The following TFEC variants were observed in gnomAD, a reference collection of about 807,000 sequenced individuals.
TFEC encodes the protein class E basic helix-loop-helix protein 34.
TFEC carries 31 observed loss-of-function variants against 41.6 expected under a neutral mutation model. The ratio of observed to expected loss-of-function variants is 0.74; its 90% CI spans 0.56 to 1.01. TFEC has a LOEUF of 1.01. Among genes scored for constraint, TFEC ranks in the 50% least tolerant of loss-of-function variants. TFEC has a pLI of 0.00. For missense variants in TFEC, 402 were observed against 404.1 expected, an observed-to-expected ratio of 0.99 and a Z score of 0.04; for synonymous variants, 143 against 140.6, an observed-to-expected ratio of 1.02 and a Z score of -0.12.
Position 115,960,558 on chromosome 7 carries a change from T to G in TFEC, c.268-3765A>C, listed in dbSNP as rs1792487490. On this transcript the variant is annotated intron_variant, in intron 3 of 7. Coordinates refer to ENST00000265440, the MANE Select transcript of TFEC (RefSeq NM_012252.4). ...ACCATGTAACTCGATCCAGATAATA[T>G]CAGCACAATTGGGTTGCTGTCGCAG... Among the ~76,000 whole-genome samples the G allele has an allele frequency of 2.0e-5, 3 of 151,552 alleles. No homozygotes were observed. In the South Asian group the frequency reaches 6.2e-4, roughly 31 times the overall value.
At chr7:115,947,545 A>C (rs1306109677) in intron 6 of TFEC, among the ~76,000 whole-genome samples, 1 of 151,592 alleles carries the variant, frequency 6.6e-6, no homozygotes, top group African/African-American at 2.4e-5. Flanking sequence ...AACAGGGTAA[A>C]AGTGTTCCTA....
At chr7:116,056,047 C>T (rs1796422295) in intron 3 of TFEC, among the ~76,000 whole-genome samples, 1 of 151,858 alleles carries the variant, frequency 6.6e-6, no homozygotes, top group Non-Finnish European at 1.5e-5. Flanking sequence ...TTACTGTATC[C>T]AACCAAGATA....
intron 3 of TFEC, 124 bp from the exon 4 acceptor site, chr7:115,956,917 G>T: frequency 1.8e-6 from 1 of 548,552 alleles, no homozygotes; most frequent in South Asian, 6.4e-5. Flanking sequence ...TCTAATTTGG[G>T]GCATTTTGCT....
intron 1 of TFEC, among the ~76,000 whole-genome samples, chr7:116,021,500 G>A (rs1012684666): frequency 6.6e-6 from 1 of 152,182 alleles, no homozygotes; most frequent in Admixed American, 6.5e-5. Flanking sequence ...GCTCTAGCAA[G>A]CAATGAGACA....
In TFEC at chr7:116,099,506, A is replaced by G. The variant is rs549181640; in HGVS notation, c.198+11202T>C. On this transcript the variant is annotated intron_variant, in intron 3 of 8. Coordinates refer to the TFEC transcript ENST00000484212. ...GGACAACATACAAGTAGAAGTTTAA[A>G]ATAACTTCCACATTACGACCAGTCC... Among the ~76,000 whole-genome samples, 3 of 152,310 alleles carry G rather than the reference A, an allele frequency of 2.0e-5. No individual in the cohort carries two copies. In the East Asian group the frequency reaches 5.8e-4, roughly 29 times the overall value.
chr7:115,956,222 T>C (rs1401296339), intron 4 of TFEC, among the ~76,000 whole-genome samples: 1 of 151,982 alleles, frequency 6.6e-6, no homozygotes, highest in Non-Finnish European at 1.5e-5. Context: ...GAGTCTATCA[T>C]GAAATCCATA....
rs1793504192 is a variant in TFEC at position 115,978,940 on chromosome 7, A to C, written c.181-4684T>G. ...TGTATTCAGGTTCTCAAGGGGATTT[A>C]TTTCTCATTCAAGATTTCAAAGACC... On this transcript the variant is annotated intron_variant, in intron 2 of 7. Coordinates refer to ENST00000265440, the MANE Select transcript of TFEC (RefSeq NM_012252.4). 2.0e-5 allele frequency among the ~76,000 whole-genome samples: 3 copies of C among 152,090 alleles called. No homozygotes were observed. In the South Asian group the frequency reaches 6.2e-4, roughly 32 times the overall value.
chr7:116,089,775 G>A (rs963439473), intron 3 of TFEC, among the ~76,000 whole-genome samples: 13 of 152,120 alleles, frequency 8.5e-5, no homozygotes, highest in East Asian at 3.9e-4. Flanking sequence ...TTGAGGACAG[G>A]TAAATGTTAA....
intron 1 of TFEC, among the ~76,000 whole-genome samples, chr7:116,158,156 A>G (rs7777437): frequency 0.5 from 75,352 of 151,920 alleles, 19,367 homozygotes; most frequent in East Asian, 0.7. Context: ...GTTTTTGAAA[A>G]CTTAACACAT....
chr7:116,105,053 C>T (rs569928130), intron 3 of TFEC, among the ~76,000 whole-genome samples: 5 of 152,138 alleles, frequency 3.3e-5, no homozygotes, highest in South Asian at 2.1e-4. Flanking sequence ...ATTTTGAATC[C>T]GACCTCCATT....
At chr7:116,059,542 A>C (rs1357907683) in intron 3 of TFEC, among the ~76,000 whole-genome samples, 1 of 151,954 alleles carries the variant, frequency 6.6e-6, no homozygotes, top group Non-Finnish European at 1.5e-5. Flanking sequence ...AAAACAAGAA[A>C]ACTACAAATC....
At chr7:115,976,069 G>A (rs13236901) in intron 2 of TFEC, among the ~76,000 whole-genome samples, 21,521 of 152,048 alleles carry the variant, frequency 0.14, 2,041 homozygotes, top group Non-Finnish European at 0.21. Context: ...TACTAAATAC[G>A]TGAAATGTGG....
intron 6 of TFEC, among the ~76,000 whole-genome samples, chr7:115,948,817 C>T (rs1405656544): frequency 1.3e-5 from 2 of 148,310 alleles, no homozygotes; most frequent in East Asian, 2.0e-4. Context: ...CTCACCACTC[C>T]TATTCAACAT....
At chr7:116,036,187 CTT>C (rs1293768257) in intron 3 of TFEC, among the ~76,000 whole-genome samples, 2 of 151,928 alleles carry the variant, frequency 1.3e-5, no homozygotes, top group Non-Finnish European at 2.9e-5. Flanking sequence ...ACATTTTCTT[CTT>C]TGTGTTATAG....
At chr7:116,152,246 T>A (rs1439442862) in intron 1 of TFEC, among the ~76,000 whole-genome samples, 3 of 152,154 alleles carry the variant, frequency 2.0e-5, no homozygotes, top group Admixed American at 6.5e-5. Context: ...TTTTCCGACA[T>A]GGAACAACAG....
intron 1 of TFEC, among the ~76,000 whole-genome samples, chr7:116,140,284 G>A (rs1184314417): frequency 3.3e-5 from 5 of 152,224 alleles, no homozygotes; most frequent in Non-Finnish European, 7.3e-5. Context: ...CTGGAAGAGG[G>A]TCTACTCTTT....
At chr7:116,070,741 C>T (rs1279248101) in intron 3 of TFEC, among the ~76,000 whole-genome samples, 1 of 151,090 alleles carries the variant, frequency 6.6e-6, no homozygotes, top group Non-Finnish European at 1.5e-5. Flanking sequence ...TTTTCTATGA[C>T]CAAATTAAAA....
chr7:115,967,455 G>A (rs565862197), intron 3 of TFEC, among the ~76,000 whole-genome samples: 6 of 151,864 alleles, frequency 4.0e-5, no homozygotes, highest in Non-Finnish European at 7.4e-5. Flanking sequence ...AAAAATTGGC[G>A]TTTGAAAGAT....
chr7:116,097,951 T>C lies in TFEC; in HGVS notation c.198+12757A>G, dbSNP rs530502313. ...ATCAAAGAATGAGAAACAGAGTGAG[T>C]GAACAAACAATAAATACATAAACTG... On this transcript the variant is annotated intron_variant, in intron 3 of 8. Coordinates refer to the TFEC transcript ENST00000484212. Among the ~76,000 whole-genome samples, 88 of 151,808 alleles carry C rather than the reference T, an allele frequency of 5.8e-4. 1 individual carries two copies. The highest frequency in any genetic ancestry group is 2.1e-3 in the African/African-American group (85 of 41,406).
Sources: gnomAD v4.1 joint callset for allele counts (sites outside exome capture counted in the v4.1 genomes callset) on GRCh38, gnomAD v4.1.1 for gene constraint, MANE v1.5 for transcripts, NCBI Gene and HGNC (gene_info 2026-07-23, HGNC 2026-07-21) for gene names.